The following PDE10A variants were observed in gnomAD, a reference collection of about 807,000 sequenced individuals.
PDE10A encodes phosphodiesterase 10A.
PDE10A carries 39 observed loss-of-function variants against 97.7 expected under a neutral mutation model. That is an observed-to-expected ratio of 0.40 (90% CI 0.31 to 0.52). The LOEUF (loss-of-function observed/expected upper bound fraction) is 0.52. Among genes scored for constraint, PDE10A ranks in the 20% least tolerant of loss-of-function variants. PDE10A has a pLI of 0.56. For missense variants in PDE10A, 731 were observed against 1,047.8 expected, an observed-to-expected ratio of 0.70 and a Z score of 4.17; for synonymous variants, 371 against 376.8, an observed-to-expected ratio of 0.98 and a Z score of 0.18.
intron 1 of PDE10A, among the ~76,000 whole-genome samples, chr6:165,714,736 A>G (rs1791983773): frequency 1.3e-5 from 2 of 152,254 alleles, no homozygotes; most frequent in African/African-American, 2.4e-5. Context: ...CTAAAGAAAC[A>G]GGAGTCTGTG....
intron 2 of PDE10A, among the ~76,000 whole-genome samples, chr6:165,490,092 G>A (rs1005890131): frequency 1.3e-5 from 2 of 152,186 alleles, no homozygotes; most frequent in African/African-American, 4.8e-5. Flanking sequence ...GAAGGTCAAA[G>A]AACACCTGAG....
chr6:165,914,163 C>T (rs528997226), intron 1 of PDE10A, among the ~76,000 whole-genome samples: 1 of 152,196 alleles, frequency 6.6e-6, no homozygotes, highest in Non-Finnish European at 1.5e-5. Context: ...CAACTGTCAA[C>T]ATTCTGAAGC....
At chr6:165,888,285 T>G (rs940458921) in intron 1 of PDE10A, among the ~76,000 whole-genome samples, 1 of 142,412 alleles carries the variant, frequency 7.0e-6, no homozygotes, top group African/African-American at 2.8e-5. Context: ...TGCTTGCTTT[T>G]CTTTTCTTTT....
intron 1 of PDE10A, among the ~76,000 whole-genome samples, chr6:165,707,331 CG>C (rs1265125027): frequency 2.6e-5 from 4 of 152,190 alleles, no homozygotes; most frequent in Non-Finnish European, 5.9e-5. Context: ...GACTCTAGTT[CG>C]GGGCCCTGCA....
chr6:165,396,591 G>A lies in PDE10A; in HGVS notation c.2077-132C>T, dbSNP rs1048129188. On this transcript the variant is annotated intron_variant, in intron 13 of 21. Coordinates refer to ENST00000539869, the MANE Select transcript of PDE10A (RefSeq NM_001385079.1). The stretch of plus-strand genomic sequence containing the variant: ...AACCAAAGTGGATTTATTATTATCC[G>A]TATTTCCATATGCACTGGGATGTGC... 2.5e-4 allele frequency: 211 copies of A among 840,838 alleles called. 1 individual carries two copies. The African/African-American group carries it at 3.2e-3, about 13-fold the overall frequency. The allele number at this position is 840,838 out of a possible 1,614,324, so 52.1% of individuals were successfully genotyped here.
rs1382223063 is a variant in PDE10A at position 165,374,172 on chromosome 6, T to C, written c.2783+5022A>G. Among the ~76,000 whole-genome samples the C allele has an allele frequency of 2.0e-5, 3 of 151,338 alleles. No individual in the cohort carries two copies. The East Asian group carries it at 5.9e-4, about 30-fold the overall frequency. On this transcript the variant is annotated intron_variant, in intron 18 of 21. Coordinates refer to ENST00000539869, the MANE Select transcript of PDE10A (RefSeq NM_001385079.1). ...GTGCAGCACACCAGCATGGCACATG[T>C]ATACATATGTAACTAACCTGCACAT... is the stretch of plus-strand genomic sequence containing the variant.
chr6:165,897,642 A>G (rs77681002), intron 1 of PDE10A, among the ~76,000 whole-genome samples: 2 of 88,254 alleles, frequency 2.3e-5, no homozygotes, highest in East Asian at 3.4e-4. Context: ...CAGCCCCCCC[A>G]CCTCCAGGCT....
At chr6:165,639,205 G>C (rs1170080263) in intron 1 of PDE10A, among the ~76,000 whole-genome samples, 1 of 152,056 alleles carries the variant, frequency 6.6e-6, no homozygotes, top group African/African-American at 2.4e-5. Context: ...AATTTGCCTA[G>C]GAGTCCACAA....
chr6:165,460,840 G>C lies in PDE10A; in HGVS notation c.1024-10478C>G, dbSNP rs534904123. Among the ~76,000 whole-genome samples the C allele has an allele frequency of 9.2e-5, 14 of 152,162 alleles. No homozygotes were observed. The South Asian group carries it at 2.9e-3, about 32-fold the overall frequency. On this transcript the variant is annotated intron_variant, in intron 3 of 21. Transcript: ENST00000539869. Reference sequence around the variant, plus strand: ...ATCAACATACAATGCATGAAACGAGGTATGTCCCTGGTATGGGACTAAAAA... The same window carrying C: ...ATCAACATACAATGCATGAAACGAGCTATGTCCCTGGTATGGGACTAAAAA...
intron 2 of PDE10A, among the ~76,000 whole-genome samples, chr6:165,500,206 A>C (rs568805866): frequency 6.6e-6 from 1 of 152,070 alleles, no homozygotes; most frequent in African/African-American, 2.4e-5. Context: ...TTTACATTAT[A>C]TATAATAGAT....
intron 1 of PDE10A, among the ~76,000 whole-genome samples, chr6:165,877,480 C>T: frequency 6.6e-6 from 1 of 152,132 alleles, no homozygotes; most frequent in Non-Finnish European, 1.5e-5. Flanking sequence ...TCAGTTGTTC[C>T]CGAAATTCTC....
At chr6:165,497,908 T>C (rs1200446807) in intron 2 of PDE10A, among the ~76,000 whole-genome samples, 1 of 152,218 alleles carries the variant, frequency 6.6e-6, no homozygotes, top group Non-Finnish European at 1.5e-5. Flanking sequence ...ATTCACTGTC[T>C]TAACTTGGAT....
At chr6:165,785,575 C>T (rs6935239) in intron 1 of PDE10A, among the ~76,000 whole-genome samples, 76,536 of 152,064 alleles carry the variant, frequency 0.5, 19,862 homozygotes, top group Middle Eastern at 0.58. Context: ...CTTGTCATTA[C>T]CAAAATTTAA....
At position 165,822,484 on chromosome 6, in the gene PDE10A, G is replaced by C. The variant is rs115748723; in HGVS notation, c.-615+165045C>G. On this transcript the variant is annotated intron_variant, in intron 1 of 19. Transcript: ENST00000366882. ...AGCCCAACACACACCTAGGCTGGAT[G>C]GTGTAGCCCATTGCTCCCAGGCTGC... Among the ~76,000 whole-genome samples, 623 of 152,304 alleles carry C rather than the reference G, an allele frequency of 4.1e-3. 5 individuals carry two copies. Among genetic ancestry groups the C allele is most frequent in the African/African-American group, 0.014 (592 of 41,554 alleles).
intron 3 of PDE10A, among the ~76,000 whole-genome samples, chr6:165,469,168 T>C (rs1245235513): frequency 6.6e-6 from 1 of 152,240 alleles, no homozygotes; most frequent in Non-Finnish European, 1.5e-5. Context: ...TTTATTATTA[T>C]GGAATCGGGA....
chr6:165,778,071 T>C (rs924664260), intron 1 of PDE10A, among the ~76,000 whole-genome samples: 2 of 152,240 alleles, frequency 1.3e-5, no homozygotes, highest in Admixed American at 1.3e-4. Flanking sequence ...TTTTCAATTT[T>C]TAATTTTTAT....
At chr6:165,617,205 C>T (rs760866386) in intron 1 of PDE10A, among the ~76,000 whole-genome samples, 54 of 152,314 alleles carry the variant, frequency 3.5e-4, no homozygotes, top group Middle Eastern at 3.4e-3. Flanking sequence ...GGAAGAGTTA[C>T]TTCCTGTCAC....
chr6:165,395,233 T>C lies in PDE10A; in HGVS notation c.2251A>G (p.Met751Val). The part of the protein sequence containing the change: ...FHFDIGPFEN[M>V]WPGIFVYMVH... Reference sequence around the variant, plus strand: ...ATGTAGACAAAAATTCCAGGCCACATGTTTTCAAAAGGACCAATGTCAAAG... The same window carrying C: ...ATGTAGACAAAAATTCCAGGCCACACGTTTTCAAAAGGACCAATGTCAAAG... Residue 751 changes from methionine (M) to valine (V), a missense_variant, in exon 15 of 22, where the codon ATG (methionine) becomes GTG (valine). Met to Val is a conservative substitution (Grantham distance 21, BLOSUM62 1). This residue lies in a region of PDE10A where 131 missense variants were observed against 187.4 expected (regional missense o/e 0.70). Transcript: ENST00000539869. 5.6e-6 allele frequency: 9 copies of C among 1,613,358 alleles called. No homozygotes were observed. The highest frequency in any genetic ancestry group is 6.8e-6 in the Non-Finnish European group (8 of 1,179,458).
At chr6:165,491,560 T>C (rs1780227471) in intron 2 of PDE10A, among the ~76,000 whole-genome samples, 1 of 152,104 alleles carries the variant, frequency 6.6e-6, no homozygotes, top group Non-Finnish European at 1.5e-5. Context: ...CAGACCATAA[T>C]GGAATAAAAT....
Sources: gnomAD v4.1 joint callset for allele counts (sites outside exome capture counted in the v4.1 genomes callset) on GRCh38, gnomAD v4.1.1 for gene constraint, gnomAD v4.1.1 regional missense constraint, MANE v1.5 for transcripts, NCBI Gene and HGNC (gene_info 2026-07-23, HGNC 2026-07-21) for gene names.